SRA1: variants seen among roughly 807,000 people sequenced by gnomAD.
SRA1 encodes the protein lncRNA SRA.
A neutral mutation model predicts 24.3 loss-of-function variants in SRA1; 25 were observed. The observed-to-expected ratio is 1.03, with a 90% CI of 0.75 to 1.43. The LOEUF (loss-of-function observed/expected upper bound fraction) is 1.43. Among genes scored for constraint, SRA1 ranks in the 40% most tolerant of loss-of-function variants. SRA1 has a pLI of 0.00. For missense variants in SRA1, 303 were observed against 286.6 expected (o/e 1.06, Z -0.41); for synonymous variants, 104 against 109.5 (o/e 0.95, Z 0.31).
chr5:140,555,655 A>G (rs960034590), intron 2 of SRA1, among the ~76,000 whole-genome samples: 1 of 152,052 alleles, frequency 6.6e-6, no homozygotes, highest in Non-Finnish European at 1.5e-5. Context: ...ATCAAATACC[A>G]TCCTTGTAAT....
rs200308515 is a variant in SRA1, at chr5:140,557,103, C to G, written c.151+44G>C. 3.6e-5 allele frequency: 43 copies of G among 1,184,180 alleles called. 4 individuals carry two copies. The highest frequency in any genetic ancestry group is 3.9e-4 in the Middle Eastern group (2 of 5,092). 73.4% of individuals were successfully genotyped at this position (1,184,180 alleles called of 1,614,324 possible). A position where few individuals can be genotyped will look rare whatever the true frequency, so the allele number is the denominator to read the frequency against. On this transcript the variant is annotated intron_variant, in intron 2 of 4. Transcript: ENST00000336283. ...ACAGGCTTATGCCTTACACCCCCCCCCCCCCATTCTCCGTCTGTCTCCGAG... is the reference window on the plus strand; with the variant it reads ...ACAGGCTTATGCCTTACACCCCCCCGCCCCCATTCTCCGTCTGTCTCCGAG...
intron 4 of SRA1, 30 bp downstream of exon 4, chr5:140,551,031 T>C: frequency 6.3e-7 from 1 of 1,594,338 alleles, no homozygotes; most frequent in Non-Finnish European, 8.6e-7. Flanking sequence ...AGGAAAGGGA[T>C]TTAGGCTATA....
chr5:140,550,853 G>A lies in SRA1; in HGVS notation c.522C>T (p.Asp174=), dbSNP rs1172792615. The change falls in exon 5 of 5, where the codon GAC becomes GAT. Residue 174 remains aspartate (D), a synonymous_variant. Coordinates refer to ENST00000336283, the MANE Select transcript of SRA1 (RefSeq NM_001035235.4). The part of the protein sequence containing the change: ...ADDIHRSLMV[D]HVTEVSQWMV... ...TCCACTGACTGACCTCAGTCACATG[G>A]TCAACCATGAGGGAGCGGTGGATGT... 6.2e-7 allele frequency: 1 copy of A among 1,614,094 alleles called. No individual in the cohort carries two copies. Among genetic ancestry groups the A allele is most frequent in the South Asian group, 1.1e-5 (1 of 91,070 alleles).
chr5:140,557,655 C>G (rs1309773443), upstream of SRA1: 14 of 634,594 alleles, frequency 2.2e-5, no homozygotes, highest in Middle Eastern at 4.3e-4. Context: ...CCATCAGGGC[C>G]CTGGTCACAA....
In SRA1 at chr5:140,557,170, G is replaced by A. The variant is rs142846017; in HGVS notation, c.128C>T (p.Ala43Val). 34 of 1,612,640 alleles carry A rather than the reference G, an allele frequency of 2.1e-5. No individual in the cohort carries two copies. The African/African-American group carries it at 2.9e-4, about 14-fold the overall frequency. ...RRSLLTKRVA[A>V]PQDGSPRVPA... ...ACCTCTGGGGGATCCATCCTGGGGT[G>A]CGGCGACCCTCTTGGTAAGCAGCGA... is the stretch of plus-strand genomic sequence containing the variant. Residue 43 changes from alanine (A) to valine (V), a missense_variant, in exon 2 of 5, where the codon GCA (alanine) becomes GTA (valine). Ala to Val is a moderately conservative substitution (Grantham distance 64). Transcript: ENST00000336283.
In SRA1 at chr5:140,550,839, A is replaced by AC; in HGVS notation, c.535dup (p.Val179GlyfsTer9). 6.2e-7 allele frequency: 1 copy of AC among 1,614,036 alleles called. No homozygotes were observed. Among genetic ancestry groups the AC allele is most frequent in the Non-Finnish European group, 8.5e-7 (1 of 1,179,988 alleles). On this transcript the variant is annotated frameshift_variant, in exon 5 of 5. Coordinates refer to ENST00000336283, the MANE Select transcript of SRA1 (RefSeq NM_001035235.4). LOFTEE classifies it high-confidence loss of function. Reference sequence around the variant, plus strand: ...TTTAACTCCTACCATCCACTGACTGACCTCAGTCACATGGTCAACCATGAG... The same window carrying AC: ...TTTAACTCCTACCATCCACTGACTGACCCTCAGTCACATGGTCAACCATGAG...
intron 1 of SRA1, 23 bp downstream of exon 1, chr5:140,557,405 C>T (rs1462896973): frequency 6.3e-6 from 10 of 1,587,220 alleles, no homozygotes; most frequent in Admixed American, 1.8e-5. Context: ...AACCTAGTGC[C>T]CTAGCCCGCC....
Position 140,550,670 on chromosome 5 carries a change from T to TG in SRA1, c.*29dup. The TG allele has an allele frequency of 6.2e-7, 1 of 1,606,198 alleles. No individual in the cohort carries two copies. Among genetic ancestry groups the TG allele is most frequent in the Non-Finnish European group, 8.5e-7 (1 of 1,172,962 alleles). On this transcript the variant is annotated 3_prime_UTR_variant, in exon 5 of 5. Transcript: ENST00000336283. ...CAGAAGGTCTCCAAGGCATAGGAGA[T>TG]GGTGTCCGGTGAGTCTGGGGAACCG...
In SRA1 at chr5:140,557,436, A is replaced by G; in HGVS notation, c.17T>C (p.Val6Ala). The G allele has an allele frequency of 6.4e-7, 1 of 1,567,900 alleles. No individual in the cohort carries two copies. The part of the protein sequence containing the change: MAELY[V>A]KPGNKERGWN... ...CCGCCGGCTGCGCTCACCCGGCTTCACGTACAGCTCCGCCATCTCCACTTC... is the reference window on the plus strand; with the variant it reads ...CCGCCGGCTGCGCTCACCCGGCTTCGCGTACAGCTCCGCCATCTCCACTTC... Residue 6 changes from valine (V) to alanine (A), a missense_variant, in exon 1 of 5, where the codon GTG becomes GCG. Val to Ala is a moderately conservative substitution (Grantham distance 64, BLOSUM62 0). Coordinates refer to ENST00000336283, the MANE Select transcript of SRA1 (RefSeq NM_001035235.4).
rs779779481 is a variant in SRA1, at chr5:140,557,419, T to G, written c.25+9A>C. 2.5e-6 allele frequency: 4 copies of G among 1,579,538 alleles called. No homozygotes were observed. The highest frequency in any genetic ancestry group is 1.1e-5 in the South Asian group (1 of 88,590). On this transcript the variant is annotated intron_variant, in intron 1 of 4. Coordinates refer to ENST00000336283, the MANE Select transcript of SRA1 (RefSeq NM_001035235.4). ...CAACCTAGTGCCCTAGCCCGCCGGC[T>G]GCGCTCACCCGGCTTCACGTACAGC...
intron 3 of SRA1, 68 bp downstream of exon 3, chr5:140,551,914 C>G: frequency 6.9e-7 from 1 of 1,457,152 alleles, no homozygotes; most frequent in Non-Finnish European, 9.5e-7. Context: ...GGGTCTATCT[C>G]TGGGAACCAT....
upstream of SRA1, chr5:140,557,663 C>CA: frequency 1.6e-6 from 1 of 616,720 alleles, no homozygotes; most frequent in Middle Eastern, 4.4e-4. Flanking sequence ...GCCCTGGTCA[C>CA]AAGGCACCAA....
intron 2 of SRA1, among the ~76,000 whole-genome samples, chr5:140,554,049 T>TC (rs1338081023): frequency 6.6e-6 from 1 of 152,208 alleles, no homozygotes; most frequent in African/African-American, 2.4e-5. Flanking sequence ...GATCATTTTT[T>TC]CCCACCCTAC....
intron 2 of SRA1, among the ~76,000 whole-genome samples, chr5:140,552,780 C>G (rs554849429): frequency 6.6e-6 from 1 of 151,916 alleles, no homozygotes; most frequent in African/African-American, 2.4e-5. Context: ...AACCAGCCTA[C>G]GCAATATAGT....
intron 3 of SRA1, chr5:140,551,475 G>A (rs1033827013): frequency 1.0e-5 from 3 of 301,154 alleles, no homozygotes; most frequent in East Asian, 6.1e-5. Context: ...AAATTTCAGG[G>A]GCTTCTCAGA....
upstream of SRA1, chr5:140,557,540 G>T (rs115037218): frequency 4.1e-6 from 6 of 1,464,214 alleles, no homozygotes; most frequent in East Asian, 1.5e-4. Flanking sequence ...AGGGCCAGGC[G>T]GGTTGCCGGA....
At chr5:140,557,539 C>A (rs762520522), upstream of SRA1, 4 of 1,464,414 alleles carry the variant, frequency 2.7e-6, no homozygotes, top group Admixed American at 2.3e-5. Context: ...CAGGGCCAGG[C>A]GGGTTGCCGG....
Position 140,550,600 on chromosome 5 carries a change from G to T in SRA1, c.*100C>A. On this transcript the variant is annotated 3_prime_UTR_variant, in exon 5 of 5. Transcript: ENST00000336283. ...ACTTCTTCCCTCATAGGTGGGTCAG[G>T]CCCAGTGGGACAGTCTTGGTGGTGG... is the stretch of plus-strand genomic sequence containing the variant. 2 of 1,176,600 alleles carry T rather than the reference G, an allele frequency of 1.7e-6. No individual in the cohort carries two copies. Among genetic ancestry groups the T allele is most frequent in the African/African-American group, 1.5e-5 (1 of 65,772 alleles). The allele number at this position is 1,176,600 out of a possible 1,614,324, so 72.9% of individuals were successfully genotyped here.
chr5:140,557,082 G>T, intron 2 of SRA1, 65 bp downstream of exon 2: 2 of 1,436,920 alleles, frequency 1.4e-6, no homozygotes, highest in Non-Finnish European at 9.4e-7. Flanking sequence ...TTCCAAACAG[G>T]CTTATGCCTT....
Sources: allele counts gnomAD v4.1 joint callset (sites outside exome capture counted in the v4.1 genomes callset), GRCh38; gene constraint gnomAD v4.1.1; transcripts MANE v1.5; gene names NCBI Gene and HGNC (gene_info 2026-07-23, HGNC 2026-07-21).